MAP4K5: variants seen among roughly 807,000 people sequenced by gnomAD.
MAP4K5 encodes mitogen-activated protein kinase kinase kinase kinase 5.
Under a neutral mutation model 135.6 loss-of-function variants are expected in MAP4K5, and 82 were observed. That is an observed-to-expected ratio of 0.60 (90% CI 0.51 to 0.73). The LOEUF is 0.73. Ranked by LOEUF, MAP4K5 falls within the 30% of genes least tolerant of loss-of-function variation. The probability of loss-of-function intolerance (pLI) is 0.00; values close to 1 mark genes in which losing one functional copy is unlikely to be tolerated. For missense variants in MAP4K5, 907 were observed against 1,010.9 expected (o/e 0.90, Z 1.39); for synonymous variants, 347 against 335.0 (o/e 1.04, Z -0.39).
At chr14:50,443,602 T>C in intron 20 of MAP4K5, 127 bp downstream of exon 20, 1 of 736,166 alleles carries the variant, frequency 1.4e-6, no homozygotes, top group South Asian at 2.5e-5. Flanking sequence ...GATATCCAAA[T>C]GCATTCAATA....
intron 3 of MAP4K5, among the ~76,000 whole-genome samples, chr14:50,491,761 C>T (rs914844505): frequency 6.6e-6 from 1 of 151,374 alleles, no homozygotes; most frequent in Non-Finnish European, 1.5e-5. Context: ...TCTTGGCTCA[C>T]TGCAGCCTCA....
intron 6 of MAP4K5, among the ~76,000 whole-genome samples, chr14:50,477,360 T>G (rs1490377103): frequency 1.3e-5 from 2 of 152,228 alleles, no homozygotes; most frequent in African/African-American, 4.8e-5. Flanking sequence ...TTAGTTCTAG[T>G]AGCTACTTTG....
chr14:50,452,433 T>C (rs1313741687), intron 14 of MAP4K5, among the ~76,000 whole-genome samples: 9 of 152,182 alleles, frequency 5.9e-5, no homozygotes, highest in Admixed American at 3.9e-4. Flanking sequence ...TGGAGCTCAT[T>C]AACTCTATGA....
intron 8 of MAP4K5, 99 bp from the exon 9 acceptor site, chr14:50,475,248 T>C (rs1367774518): frequency 1.2e-6 from 1 of 844,992 alleles, no homozygotes; most frequent in Non-Finnish European, 1.9e-6. Flanking sequence ...AATTCAAATA[T>C]TAATGTTAGA....
At chr14:50,517,081 T>C (rs1035999058) in intron 2 of MAP4K5, among the ~76,000 whole-genome samples, 2 of 152,140 alleles carry the variant, frequency 1.3e-5, no homozygotes, top group African/African-American at 4.8e-5. Context: ...AAAATGATAG[T>C]AGTTATAACA....
In MAP4K5 at chr14:50,420,056, T is replaced by A. The variant is rs1241862887; in HGVS notation, c.2504A>T (p.Asn835Ile). ...RPTENPTAHS[N>I]LYILAGHENS... is the part of the protein sequence containing the mutation. ...TTCATGTCCAGCCAAGATGTAGAGA[T>A]TGCTGTGTGCAGTAGGATTTTCTGT... Residue 835 changes from asparagine (N) to isoleucine (I), a missense_variant, in exon 33 of 33, where the codon AAT (asparagine) becomes ATT (isoleucine). Around this residue, in one of 3 missense-constraint regions of MAP4K5, gnomAD observed 690 missense variants for 777.4 expected, o/e 0.89. Coordinates refer to ENST00000682126, the MANE Select transcript of MAP4K5 (RefSeq NM_006575.6). 6.2e-7 allele frequency: 1 copy of A among 1,611,174 alleles called. No individual in the cohort carries two copies. Among genetic ancestry groups the A allele is most frequent in the African/African-American group, 1.3e-5 (1 of 75,064 alleles).
chr14:50,447,902 CAT>C (rs34142571), intron 15 of MAP4K5, among the ~76,000 whole-genome samples: 142,658 of 152,218 alleles, frequency 0.94, 67,459 homozygotes, highest in East Asian at 1. Context: ...CATACAGCAA[CAT>C]ATTTACAGTA....
In MAP4K5 at chr14:50,482,346, A is replaced by G. The variant is rs571329819; in HGVS notation, c.378+15T>C. ...CTAGAATTGCCTTTCTAACTATATT[A>G]AGAAAATATAGTACCTGTAAGGTTT... On this transcript the variant is annotated intron_variant, in intron 6 of 32. Coordinates refer to ENST00000682126, the MANE Select transcript of MAP4K5 (RefSeq NM_006575.6). The G allele has an allele frequency of 7.0e-7, 1 of 1,436,740 alleles. No homozygotes were observed. The highest frequency in any genetic ancestry group is 2.6e-5 in the East Asian group (1 of 37,754). 89.0% of individuals were successfully genotyped at this position (1,436,740 alleles called of 1,614,324 possible).
chr14:50,420,887 A>G (rs1384733768), intron 32 of MAP4K5, among the ~76,000 whole-genome samples: 1 of 147,210 alleles, frequency 6.8e-6, no homozygotes, highest in Non-Finnish European at 1.5e-5. Context: ...GACTGATAGG[A>G]AAAAAAAAAA....
At chr14:50,499,581 C>T (rs1409845571) in intron 3 of MAP4K5, among the ~76,000 whole-genome samples, 1 of 151,840 alleles carries the variant, frequency 6.6e-6, no homozygotes, top group Non-Finnish European at 1.5e-5. Context: ...TCACTTGAAC[C>T]CGGTTGGCAA....
At chr14:50,503,261 AT>A (rs1369157388) in intron 3 of MAP4K5, among the ~76,000 whole-genome samples, 1 of 152,102 alleles carries the variant, frequency 6.6e-6, no homozygotes, top group Non-Finnish European at 1.5e-5. Context: ...AACCAAAAAA[AT>A]TTTTAAATGG....
chr14:50,523,898 C>G (rs943514938), intron 2 of MAP4K5, among the ~76,000 whole-genome samples: 2 of 152,204 alleles, frequency 1.3e-5, no homozygotes, highest in South Asian at 4.1e-4. Flanking sequence ...AGCTCCCATT[C>G]ATTAACATGC....
upstream of MAP4K5, among the ~76,000 whole-genome samples, chr14:50,536,758 G>C (rs1357637816): frequency 6.6e-6 from 1 of 152,224 alleles, no homozygotes; most frequent in Non-Finnish European, 1.5e-5. Context: ...TTTTGCCCCT[G>C]CCCTAGAGGT....
intron 26 of MAP4K5, 139 bp downstream of exon 26, chr14:50,437,337 C>A: frequency 1.5e-6 from 1 of 665,014 alleles, no homozygotes; most frequent in South Asian, 1.8e-5. Flanking sequence ...TCTTGTACTT[C>A]AATGGCAGCT....
intron 6 of MAP4K5, among the ~76,000 whole-genome samples, chr14:50,478,669 T>C (rs1315415293): frequency 6.6e-6 from 1 of 152,150 alleles, no homozygotes; most frequent in Non-Finnish European, 1.5e-5. Context: ...AAATACAAAA[T>C]GCTCCAATGA....
chr14:50,441,094 A>C (rs1405434041), intron 21 of MAP4K5, among the ~76,000 whole-genome samples: 1 of 152,128 alleles, frequency 6.6e-6, no homozygotes, highest in Non-Finnish European at 1.5e-5. Flanking sequence ...AATAAGAATT[A>C]ATAAGTTTAA....
intron 25 of MAP4K5, 62 bp from the exon 26 acceptor site, chr14:50,437,596 A>T (rs2036125547): frequency 8.9e-7 from 1 of 1,123,504 alleles, no homozygotes; most frequent in East Asian, 2.5e-5. Context: ...ATGATTTGTA[A>T]ATCAGTTGCA....
chr14:50,470,441 T>G (rs1318384906), intron 9 of MAP4K5, among the ~76,000 whole-genome samples: 1 of 152,196 alleles, frequency 6.6e-6, no homozygotes, highest in Non-Finnish European at 1.5e-5. Context: ...TGAGGGACTC[T>G]GATGTGACAA....
At position 50,466,547 on chromosome 14, in the gene MAP4K5, G is replaced by A. The variant is rs1566659450; in HGVS notation, c.737+36C>T. 7 of 1,075,312 alleles carry A rather than the reference G, an allele frequency of 6.5e-6. No homozygotes were observed. In the East Asian group the frequency reaches 1.6e-4, roughly 24 times the overall value. 66.6% of individuals were successfully genotyped at this position (1,075,312 alleles called of 1,614,324 possible). ...AACTGAATCTATACTCCTTTCGATT[G>A]TAAAATTCTATAAAACTATATATTC... is the stretch of plus-strand genomic sequence containing the variant. On this transcript the variant is annotated intron_variant, in intron 11 of 32. Coordinates refer to ENST00000682126, the MANE Select transcript of MAP4K5 (RefSeq NM_006575.6).
Sources: allele counts gnomAD v4.1 joint callset (sites outside exome capture counted in the v4.1 genomes callset), GRCh38; gene constraint gnomAD v4.1.1; regional missense constraint gnomAD v4.1.1; transcripts MANE v1.5; gene names NCBI Gene and HGNC (gene_info 2026-07-23, HGNC 2026-07-21).